Variants in MIGA1 observed in about 807,000 individuals in gnomAD.
The protein encoded by MIGA1 is family with sequence similarity 73, member A.
In MIGA1, 58 loss-of-function variants were observed where a neutral mutation model predicts 82.0. The ratio of observed to expected loss-of-function variants is 0.71; its 90% CI spans 0.57 to 0.88. MIGA1 has a LOEUF of 0.88. Among genes scored for constraint, MIGA1 ranks in the 40% least tolerant of loss-of-function variants. The probability of loss-of-function intolerance (pLI) is 0.00; values close to 1 mark genes in which losing one functional copy is unlikely to be tolerated. For synonymous variants in MIGA1, 249 were observed against 253.6 expected (o/e 0.98, Z 0.17); for missense variants, 751 against 749.1 (o/e 1.00, Z -0.03).
intron 2 of MIGA1, among the ~76,000 whole-genome samples, chr1:77,795,796 AT>A (rs1215171836): frequency 6.7e-5 from 10 of 148,538 alleles, no homozygotes; most frequent in Admixed American, 1.3e-4. Context: ...TGCCTGGCTA[AT>A]TTTTTTTTGT....
intron 13 of MIGA1, among the ~76,000 whole-genome samples, chr1:77,865,637 ATATT>A (rs1029633010): frequency 5.9e-5 from 9 of 152,116 alleles, no homozygotes; most frequent in African/African-American, 1.9e-4. Context: ...TACACATAGA[ATATT>A]TATTTGTGTA....
intron 14 of MIGA1, among the ~76,000 whole-genome samples, chr1:77,867,556 G>C (rs559349188): frequency 2.0e-5 from 3 of 152,154 alleles, no homozygotes; most frequent in African/African-American, 7.2e-5. Flanking sequence ...TCAAACTCCT[G>C]GCCTCAAGTG....
intron 7 of MIGA1, among the ~76,000 whole-genome samples, chr1:77,818,266 G>A (rs534759842): frequency 3.7e-4 from 56 of 152,012 alleles, no homozygotes; most frequent in African/African-American, 1.3e-3. Context: ...TGGGATTATA[G>A]GCATGCACCA....
At chr1:77,856,809 A>T (rs1685276532) in intron 8 of MIGA1, among the ~76,000 whole-genome samples, 1 of 151,920 alleles carries the variant, frequency 6.6e-6, no homozygotes, top group African/African-American at 2.4e-5. Flanking sequence ...AATTTTATTT[A>T]TCTTTTCAAA....
chr1:77,859,954 T>G, intron 10 of MIGA1, 86 bp from the exon 11 acceptor site: 1 of 831,956 alleles, frequency 1.2e-6, no homozygotes, highest in Non-Finnish European at 2.0e-6. Context: ...CATTAACTGT[T>G]TTAGGATTAT....
intron 7 of MIGA1, among the ~76,000 whole-genome samples, chr1:77,822,282 C>A (rs1294578047): frequency 6.6e-6 from 1 of 152,194 alleles, no homozygotes; most frequent in Non-Finnish European, 1.5e-5. Flanking sequence ...ACCATGGGGC[C>A]GGGCACAGTA....
At chr1:77,782,841 C>T in intron 1 of MIGA1, 1 of 984,424 alleles carries the variant, frequency 1.0e-6, no homozygotes, top group African/African-American at 1.7e-5. Flanking sequence ...CTGCCACCTA[C>T]TCTCACCCCC....
chr1:77,789,943 G>A (rs879938714), intron 2 of MIGA1, among the ~76,000 whole-genome samples: 1 of 152,002 alleles, frequency 6.6e-6, no homozygotes, highest in Non-Finnish European at 1.5e-5. Context: ...CCTCCCAAAA[G>A]TTCTTTGGTT....
chr1:77,836,901 A>C (rs1206590327), intron 7 of MIGA1, among the ~76,000 whole-genome samples: 1 of 152,106 alleles, frequency 6.6e-6, no homozygotes, highest in East Asian at 1.9e-4. Flanking sequence ...CCATTTGATT[A>C]GAAAATGGCT....
rs1319495811 is a variant in MIGA1, at chr1:77,878,620, G to GA, written c.*3560dup. On this transcript the variant is annotated 3_prime_UTR_variant, in exon 16 of 16. Coordinates refer to ENST00000370791, the MANE Select transcript of MIGA1 (RefSeq NM_198549.4). ...GGGACTTCAATTAAGTCACTCCTGA[G>GA]AAAATATCCTTTTTTCTAGAAGAAA... 1 of 304,730 alleles carries GA rather than the reference G, an allele frequency of 3.3e-6. No homozygotes were observed. Among genetic ancestry groups the GA allele is most frequent in the Non-Finnish European group, 6.0e-6 (1 of 166,522 alleles). The allele number at this position is 304,730 out of a possible 1,614,324, so 18.9% of individuals were successfully genotyped here.
chr1:77,826,735 A>G (rs1437617651), intron 7 of MIGA1, among the ~76,000 whole-genome samples: 1 of 152,004 alleles, frequency 6.6e-6, no homozygotes, highest in Non-Finnish European at 1.5e-5. Flanking sequence ...TTGGCATCCC[A>G]AAGTGCTGGG....
At chr1:77,872,866 G>A in intron 14 of MIGA1, 138 bp from the exon 15 acceptor site, 3 of 1,006,846 alleles carry the variant, frequency 3.0e-6, no homozygotes, top group Non-Finnish European at 3.0e-6. Flanking sequence ...TTGAGGTGTT[G>A]CTAGACTCTG....
At chr1:77,873,686 C>A (rs772566113) in intron 15 of MIGA1, among the ~76,000 whole-genome samples, 1 of 152,060 alleles carries the variant, frequency 6.6e-6, no homozygotes, top group African/African-American at 2.4e-5. Flanking sequence ...AGGAAAGTCT[C>A]GCTATGTAAT....
intron 7 of MIGA1, among the ~76,000 whole-genome samples, 161 bp downstream of exon 7, chr1:77,815,392 G>A (rs1275734088): frequency 2.0e-5 from 3 of 151,830 alleles, no homozygotes; most frequent in African/African-American, 4.8e-5. Flanking sequence ...TTTTCTTTCA[G>A]TTTTAATTTT....
chr1:77,785,648 A>G (rs1360509925), intron 2 of MIGA1, among the ~76,000 whole-genome samples: 1 of 152,176 alleles, frequency 6.6e-6, no homozygotes, highest in Non-Finnish European at 1.5e-5. Context: ...CGGCCAGGGC[A>G]GTCAAATATT....
At chr1:77,780,894 ATTTTTTC>A (rs1223640652) in intron 1 of MIGA1, among the ~76,000 whole-genome samples, 4 of 145,530 alleles carry the variant, frequency 2.7e-5, no homozygotes, top group African/African-American at 5.1e-5. Context: ...TTGTCATAAT[ATTTTTTC>A]TTTTTTCTTT....
intron 13 of MIGA1, 94 bp from the exon 14 acceptor site, chr1:77,866,244 G>C: frequency 1.8e-6 from 2 of 1,132,140 alleles, no homozygotes; most frequent in Non-Finnish European, 2.6e-6. Flanking sequence ...TGAATGTATT[G>C]AACGTTTTAG....
intron 4 of MIGA1, among the ~76,000 whole-genome samples, chr1:77,804,729 A>C (rs1683022088): frequency 6.6e-6 from 1 of 151,228 alleles, no homozygotes; most frequent in Non-Finnish European, 1.5e-5. Flanking sequence ...TCCTGGGTTC[A>C]AGCGATTGTC....
chr1:77,856,522 G>A lies in MIGA1; in HGVS notation c.997-2416G>A, dbSNP rs533633372. Among the ~76,000 whole-genome samples the A allele has an allele frequency of 5.1e-4, 78 of 151,974 alleles. No homozygotes were observed. In the South Asian group the frequency reaches 0.016, roughly 31 times the overall value. ...CTGGTCCTGCACTTTTTTTTAATCG[G>A]TAATTTTTTAATTACCATTTCAGTC... On this transcript the variant is annotated intron_variant, in intron 8 of 15. Transcript: ENST00000370791.
Sources: allele counts gnomAD v4.1 joint callset (sites outside exome capture counted in the v4.1 genomes callset), GRCh38; gene constraint gnomAD v4.1.1; transcripts MANE v1.5; gene names NCBI Gene and HGNC (gene_info 2026-07-23, HGNC 2026-07-21).